Variants in VDAC3 observed in about 807,000 individuals in gnomAD.
The protein encoded by VDAC3 is non-selective voltage-gated ion channel VDAC3.
VDAC3 carries 7 observed loss-of-function variants against 33.9 expected under a neutral mutation model. The ratio of observed to expected loss-of-function variants is 0.21; its 90% CI spans 0.12 to 0.39. VDAC3 has a LOEUF of 0.39. Ranked by LOEUF, VDAC3 falls within the 10% of genes least tolerant of loss-of-function variation. The pLI is 1.00. For missense variants in VDAC3, 261 were observed against 334.5 expected (o/e 0.78, Z 1.71); for synonymous variants, 100 against 122.4 (o/e 0.82, Z 1.21).
At chr8:42,396,800 C>A in intron 4 of VDAC3, 1 of 625,830 alleles carries the variant, frequency 1.6e-6, no homozygotes. Flanking sequence ...TGATATTTTT[C>A]TCATATGCTA....
intron 1 of VDAC3, among the ~76,000 whole-genome samples, chr8:42,392,511 G>A (rs1258878592): frequency 1.3e-5 from 2 of 152,174 alleles, no homozygotes; most frequent in South Asian, 4.1e-4. Flanking sequence ...GGAACATGAA[G>A]TTTCTGTTGT....
Position 42,395,068 on chromosome 8 carries a change from G to T in VDAC3, c.68-16G>T. The T allele has an allele frequency of 3.1e-6, 5 of 1,613,352 alleles. No individual in the cohort carries two copies. The highest frequency in any genetic ancestry group is 3.4e-6 in the Non-Finnish European group (4 of 1,179,484). The stretch of plus-strand genomic sequence containing the variant: ...ATTTTGTACATTACTGTGTTTTTGT[G>T]TGTGTGTGTGTATAGGCTTTGGCAT... On this transcript the variant is annotated splice_polypyrimidine_tract_variant and intron_variant, in intron 3 of 9. Transcript: ENST00000022615.
chr8:42,396,553 AAT>A, intron 4 of VDAC3: 1 of 645,106 alleles, frequency 1.6e-6, no homozygotes, highest in Non-Finnish European at 2.7e-6. Flanking sequence ...GTTCTGTTAA[AAT>A]AGAAGAATCA....
chr8:42,394,029 A>T (rs1266024566), intron 2 of VDAC3, 145 bp downstream of exon 2: 2 of 548,842 alleles, frequency 3.6e-6, no homozygotes, highest in Admixed American at 3.2e-5. Flanking sequence ...AGTATTCTGG[A>T]AAGGTCTGTT....
At chr8:42,400,673 CTTTTTTTTTTT>C (rs1188886241) in intron 6 of VDAC3, among the ~76,000 whole-genome samples, 1 of 72,320 alleles carries the variant, frequency 1.4e-5, no homozygotes, top group African/African-American at 6.1e-5. Context: ...ATATTCTTTT[CTTTTTTTTTTT>C]TTTTTTTTTT....
intron 4 of VDAC3, among the ~76,000 whole-genome samples, chr8:42,395,506 C>T (rs1802294754): frequency 6.6e-6 from 1 of 152,168 alleles, no homozygotes; most frequent in Admixed American, 6.5e-5. Context: ...TTACTCTGCC[C>T]CTTCATGATT....
At chr8:42,395,019 G>GT in intron 3 of VDAC3, 65 bp from the exon 4 acceptor site, 1 of 1,602,126 alleles carries the variant, frequency 6.2e-7, no homozygotes, top group Non-Finnish European at 8.5e-7. Flanking sequence ...TAATTTCTGA[G>GT]TTGCAAAAAC....
chr8:42,395,890 T>G (rs1006070160), intron 4 of VDAC3, among the ~76,000 whole-genome samples: 1 of 128,688 alleles, frequency 7.8e-6, no homozygotes, highest in African/African-American at 3.0e-5. Context: ...ACCTGGGAGG[T>G]GGAGGTTTCA....
In VDAC3 at chr8:42,403,424, C is replaced by A; in HGVS notation, c.665C>A (p.Ala222Asp). The A allele has an allele frequency of 6.2e-7, 1 of 1,608,540 alleles. No homozygotes were observed. Among genetic ancestry groups the A allele is most frequent in the South Asian group, 1.1e-5 (1 of 89,880 alleles). Reference protein sequence around the residue: ...AGSNNTRFGIAAKYMLDCRTS... With the variant: ...AGSNNTRFGIDAKYMLDCRTS... ...AGTAACAACACCCGTTTTGGCATTGCTGCTAAGTACATGCTGGATTGTAGA... is the reference window on the plus strand; with the variant it reads ...AGTAACAACACCCGTTTTGGCATTGATGCTAAGTACATGCTGGATTGTAGA... Residue 222 changes from alanine to aspartate, a missense_variant, in exon 8 of 10, where the codon GCT becomes GAT. Physicochemically the swap from Ala to Asp is moderately radical, Grantham distance 126. Transcript: ENST00000022615.
Position 42,394,274 on chromosome 8 carries a change from A to G in VDAC3, c.63A>G (p.Gly21=), listed in dbSNP as rs570321186. 8 of 1,613,198 alleles carry G rather than the reference A, an allele frequency of 5.0e-6. No individual in the cohort carries two copies. Among genetic ancestry groups the G allele is most frequent in the Non-Finnish European group, 6.8e-6 (8 of 1,179,444 alleles). ...CTGCTAAGGATGTCTTCAACAAAGG[A>G]TATGGTAAGTATGCTATTGTAACTT... The part of the protein sequence containing the change: ...GKAAKDVFNK[G]YGFGMVKIDL... Residue 21 remains glycine, a synonymous_variant, in exon 3 of 10, where the codon GGA becomes GGG. Coordinates refer to ENST00000022615, the MANE Select transcript of VDAC3 (RefSeq NM_005662.7).
chr8:42,394,092 G>A lies in VDAC3; in HGVS notation c.-2-118G>A, dbSNP rs561160308. ...CCTTTGATTGCATTAAAGCATTAATGATACACAGGAAGAGAAAACTGTATA... is the reference window on the plus strand; with the variant it reads ...CCTTTGATTGCATTAAAGCATTAATAATACACAGGAAGAGAAAACTGTATA... On this transcript the variant is annotated intron_variant, in intron 2 of 9. Coordinates refer to ENST00000022615, the MANE Select transcript of VDAC3 (RefSeq NM_005662.7). 4.3e-5 allele frequency: 37 copies of A among 861,074 alleles called. No individual in the cohort carries two copies. The East Asian group carries it at 9.1e-4, about 21-fold the overall frequency. 53.3% of individuals were successfully genotyped at this position (861,074 alleles called of 1,614,324 possible).
intron 4 of VDAC3, among the ~76,000 whole-genome samples, chr8:42,395,339 T>C (rs918325082): frequency 2.6e-5 from 4 of 152,354 alleles, no homozygotes; most frequent in Middle Eastern, 3.4e-3. Flanking sequence ...TCTCAGAGTA[T>C]ACTACAGCTT....
Position 42,398,730 on chromosome 8 carries a change from C to A in VDAC3, c.136C>A (p.His46Asn). Reference protein sequence around the residue: ...CSGVEFSTSGHAYTDTGKASG... With the variant: ...CSGVEFSTSGNAYTDTGKASG... Reference sequence around the variant, plus strand: ...TTACCAGGAATTTTCTACTTCTGGTCATGCTTACACTGATACAGGGAAAGC... The same window carrying A: ...TTACCAGGAATTTTCTACTTCTGGTAATGCTTACACTGATACAGGGAAAGC... Residue 46 changes from histidine (H) to asparagine (N), a missense_variant, in exon 5 of 10, where the codon CAT (histidine) becomes AAT (asparagine). Transcript: ENST00000022615. The A allele has an allele frequency of 1.2e-6, 2 of 1,605,902 alleles. No individual in the cohort carries two copies. Among genetic ancestry groups the A allele is most frequent in the South Asian group, 2.3e-5 (2 of 88,782 alleles).
intron 7 of VDAC3, 161 bp downstream of exon 7, chr8:42,402,176 C>A: frequency 1.3e-6 from 1 of 780,340 alleles, no homozygotes; most frequent in African/African-American, 1.7e-5. Context: ...GAGGCTGGTG[C>A]ACGTGGTGTG....
chr8:42,393,342 C>T (rs1447313271), intron 1 of VDAC3, among the ~76,000 whole-genome samples: 1 of 152,118 alleles, frequency 6.6e-6, no homozygotes, highest in Non-Finnish European at 1.5e-5. Flanking sequence ...GACATATGGG[C>T]TAATGGCACT....
chr8:42,404,578 C>T (rs532691991), intron 8 of VDAC3, among the ~76,000 whole-genome samples: 8 of 151,952 alleles, frequency 5.3e-5, no homozygotes, highest in Non-Finnish European at 5.9e-5. Context: ...CAAAATTAGC[C>T]GGGCATGGGG....
At chr8:42,399,856 T>A (rs1802385389) in intron 6 of VDAC3, among the ~76,000 whole-genome samples, 153 bp downstream of exon 6, 1 of 152,060 alleles carries the variant, frequency 6.6e-6, no homozygotes, top group African/African-American at 2.4e-5. Flanking sequence ...GTAATACAGA[T>A]AAAGGAAGAT....
intron 3 of VDAC3, among the ~76,000 whole-genome samples, chr8:42,394,554 C>T (rs1802271982): frequency 6.6e-6 from 1 of 152,144 alleles, no homozygotes; most frequent in African/African-American, 2.4e-5. Context: ...ATTTATGTCT[C>T]TTTGTCTGGC....
intron 4 of VDAC3, among the ~76,000 whole-genome samples, chr8:42,395,363 G>T (rs1585947770): frequency 6.6e-6 from 1 of 152,296 alleles, no homozygotes; most frequent in South Asian, 2.1e-4. Flanking sequence ...CTCAGAAGAT[G>T]TAGAATATAT....
Sources: gnomAD v4.1 joint callset for allele counts (sites outside exome capture counted in the v4.1 genomes callset) on GRCh38, gnomAD v4.1.1 for gene constraint, MANE v1.5 for transcripts, NCBI Gene and HGNC (gene_info 2026-07-23, HGNC 2026-07-21) for gene names.